Variants in RFX3 observed in about 807,000 individuals in gnomAD.
The protein encoded by RFX3 is transcription factor RFX3.
A neutral mutation model predicts 98.6 loss-of-function variants in RFX3; 14 were observed. The ratio of observed to expected loss-of-function variants is 0.14; its 90% CI spans 0.09 to 0.22. The LOEUF (loss-of-function observed/expected upper bound fraction) is 0.22. Among genes scored for constraint, RFX3 ranks in the 10% least tolerant of loss-of-function variants. The probability of loss-of-function intolerance (pLI) is 1.00; values close to 1 mark genes in which losing one functional copy is unlikely to be tolerated. For missense variants in RFX3, 639 were observed against 926.9 expected, an observed-to-expected ratio of 0.69 and a Z score of 4.03; for synonymous variants, 383 against 328.4, an observed-to-expected ratio of 1.17 and a Z score of -1.80.
At chr9:3,451,642 G>A (rs1249592231) in intron 1 of RFX3, among the ~76,000 whole-genome samples, 1 of 152,120 alleles carries the variant, frequency 6.6e-6, no homozygotes, top group East Asian at 1.9e-4. Flanking sequence ...CCTCAGGAAG[G>A]TGGAACATAA....
At chr9:3,262,812 A>G in intron 13 of RFX3, 123 bp downstream of exon 13, 2 of 1,005,036 alleles carry the variant, frequency 2.0e-6, no homozygotes, top group Non-Finnish European at 3.0e-6. Context: ...CTTTCAGAAC[A>G]CTGTGAATAT....
At chr9:3,402,850 AC>A (rs1841599827) in intron 1 of RFX3, among the ~76,000 whole-genome samples, 1 of 152,044 alleles carries the variant, frequency 6.6e-6, no homozygotes, top group East Asian at 1.9e-4. Flanking sequence ...TAAATTTAGT[AC>A]AAAATGTACA....
At chr9:3,484,137 C>A (rs1470014258) in intron 1 of RFX3, among the ~76,000 whole-genome samples, 3 of 152,186 alleles carry the variant, frequency 2.0e-5, no homozygotes, top group Non-Finnish European at 4.4e-5. Context: ...TCACTTAGTT[C>A]AGGTTTTTCA....
Position 3,354,976 on chromosome 9 carries a change from C to G in RFX3, c.118-8212G>C, listed in dbSNP as rs1009629136. 3.3e-5 allele frequency among the ~76,000 whole-genome samples: 5 copies of G among 151,558 alleles called. 1 individual carries two copies. The South Asian group carries it at 1.0e-3, about 31-fold the overall frequency. On this transcript the variant is annotated intron_variant, in intron 2 of 16. Transcript: ENST00000617270. ...GGAATGACAAAAATAGCACAAAGGA[C>G]AGAAGAGGGAATTGAAAATACTCTT...
intron 4 of RFX3, among the ~76,000 whole-genome samples, chr9:3,310,300 C>G (rs1033075840): frequency 3.9e-4 from 59 of 152,184 alleles, no homozygotes; most frequent in African/African-American, 1.3e-3. Context: ...ATCATATATA[C>G]GGACAATTAG....
intron 1 of RFX3, among the ~76,000 whole-genome samples, chr9:3,498,044 G>A (rs987120833): frequency 1.3e-5 from 2 of 152,038 alleles, no homozygotes; most frequent in Admixed American, 6.6e-5. Flanking sequence ...AAAGACTGTA[G>A]TTCCAACTCT....
intron 1 of RFX3, among the ~76,000 whole-genome samples, chr9:3,413,788 G>T (rs1444367491): frequency 6.6e-6 from 1 of 152,104 alleles, no homozygotes; most frequent in Non-Finnish European, 1.5e-5. Flanking sequence ...AAGGCTGCAA[G>T]TGAAAAACCC....
rs76053910 is a variant in RFX3, at chr9:3,281,301, T to C, written c.852-3840A>G. ...CATAAAATAATCACCATAAACTTTA[T>C]CAAATCTACCATATCAGGAGAATAA... On this transcript the variant is annotated intron_variant, in intron 7 of 16. Transcript: ENST00000617270. 8.6e-5 allele frequency among the ~76,000 whole-genome samples: 13 copies of C among 151,204 alleles called. No individual in the cohort carries two copies. In the East Asian group the frequency reaches 2.5e-3, roughly 29 times the overall value.
chr9:3,347,754 A>C (rs891008792), intron 2 of RFX3, among the ~76,000 whole-genome samples: 5 of 152,254 alleles, frequency 3.3e-5, no homozygotes, highest in Admixed American at 2.0e-4. Context: ...TGAATCCAGG[A>C]GGCAGAGGTT....
intron 4 of RFX3, among the ~76,000 whole-genome samples, chr9:3,320,587 G>A (rs1007354088): frequency 8.0e-5 from 12 of 150,220 alleles, no homozygotes; most frequent in African/African-American, 2.9e-4. Flanking sequence ...AAAAACTTTA[G>A]GATATCTTAT....
chr9:3,247,406 T>A (rs1354881568), intron 15 of RFX3: 5 of 850,912 alleles, frequency 5.9e-6, no homozygotes, highest in Non-Finnish European at 7.1e-6. Context: ...TCTACCATTT[T>A]TTAGCTGAGT....
chr9:3,232,180 T>C (rs1022955308), intron 15 of RFX3, among the ~76,000 whole-genome samples: 4 of 152,156 alleles, frequency 2.6e-5, no homozygotes, highest in African/African-American at 9.7e-5. Context: ...CATCACAAAT[T>C]GGGAAAACTT....
At chr9:3,468,196 A>G (rs1269704741) in intron 1 of RFX3, among the ~76,000 whole-genome samples, 1 of 152,212 alleles carries the variant, frequency 6.6e-6, no homozygotes, top group Non-Finnish European at 1.5e-5. Flanking sequence ...AATACAGTGA[A>G]TTGTTACAGC....
chr9:3,458,062 T>C (rs550161925), intron 1 of RFX3, among the ~76,000 whole-genome samples: 54 of 152,260 alleles, frequency 3.5e-4, no homozygotes, highest in Non-Finnish European at 6.5e-4. Context: ...GGAAGTATCC[T>C]AGGGAACAGC....
rs1366736845 is a variant in RFX3 at position 3,366,705 on chromosome 9, TCTTTCTTTCTTTCTTTCTTTC to T, written c.118-19962_118-19942del. On this transcript the variant is annotated intron_variant, in intron 2 of 16. Coordinates refer to ENST00000617270, the MANE Select transcript of RFX3 (RefSeq NM_001282116.2). ...TTCTTCTTTCTTTCCTTTCTTTCTT[TCTTTCTTTCTTTCTTTCTTTC>T]TTTCTTTCTTTCTTTCTTTCTTTCT... 2.5e-5 allele frequency among the ~76,000 whole-genome samples: 3 copies of T among 119,028 alleles called. No individual in the cohort carries two copies. The East Asian group carries it at 7.9e-4, about 31-fold the overall frequency. The allele number at this position is 119,028 out of a possible 152,430, so 78.1% of individuals were successfully genotyped here. A position where few individuals can be genotyped will look rare whatever the true frequency, so the allele number is the denominator to read the frequency against.
chr9:3,424,368 T>G (rs1418279778), intron 1 of RFX3, among the ~76,000 whole-genome samples: 9 of 114,642 alleles, frequency 7.9e-5, no homozygotes, highest in African/African-American at 3.0e-4. Flanking sequence ...TTTTTTTTTT[T>G]TTTTTTTTTT....
At position 3,278,133 on chromosome 9, in the gene RFX3, T is replaced by A. The variant is rs191825138; in HGVS notation, c.852-672A>T. Reference sequence around the variant, plus strand: ...ATCTTCAGGTCCTAGTCATACAAACTTATGTATTTTCCATACAGCTAAGAT... The same window carrying A: ...ATCTTCAGGTCCTAGTCATACAAACATATGTATTTTCCATACAGCTAAGAT... On this transcript the variant is annotated intron_variant, in intron 7 of 16. Coordinates refer to ENST00000617270, the MANE Select transcript of RFX3 (RefSeq NM_001282116.2). 4.9e-4 allele frequency among the ~76,000 whole-genome samples: 75 copies of A among 152,008 alleles called. 2 individuals carry two copies. Among genetic ancestry groups the A allele is most frequent in the African/African-American group, 1.6e-3 (67 of 41,516 alleles).
Position 3,512,000 on chromosome 9 carries a change from C to T in RFX3, c.-9+13747G>A, listed in dbSNP as rs182276883. On this transcript the variant is annotated intron_variant, in intron 1 of 16. Transcript: ENST00000617270. ...AATGGTAAATGCTTAAGGTGACAGA[C>T]ACCCCATTTACTCTTACGTGACTAC... is the stretch of plus-strand genomic sequence containing the variant. Among the ~76,000 whole-genome samples, 633 of 152,144 alleles carry T rather than the reference C, an allele frequency of 4.2e-3. 3 individuals are homozygous for T. Among genetic ancestry groups the T allele is most frequent in the African/African-American group, 0.014 (592 of 41,538 alleles).
At chr9:3,291,358 C>T (rs973996238) in intron 6 of RFX3, among the ~76,000 whole-genome samples, 10 of 151,596 alleles carry the variant, frequency 6.6e-5, no homozygotes, top group African/African-American at 7.3e-5. Context: ...GGCAACAGAG[C>T]GAGAATCCTT....
Sources: gnomAD v4.1 joint callset for allele counts (sites outside exome capture counted in the v4.1 genomes callset) on GRCh38, gnomAD v4.1.1 for gene constraint, MANE v1.5 for transcripts, NCBI Gene and HGNC (gene_info 2026-07-23, HGNC 2026-07-21) for gene names.